Variants in TSNARE1 observed in about 807,000 individuals in gnomAD.
The protein encoded by TSNARE1 is t-SNARE domain containing 1, also known as t-SNARE domain-containing protein 1.
Under a neutral mutation model 62.0 loss-of-function variants are expected in TSNARE1, and 49 were observed. The ratio of observed to expected loss-of-function variants is 0.79; its 90% CI spans 0.63 to 1.00. The LOEUF (loss-of-function observed/expected upper bound fraction) is 1.00. Among genes scored for constraint, TSNARE1 ranks in the 50% least tolerant of loss-of-function variants. The pLI is 0.00. For missense variants in TSNARE1, 755 were observed against 700.1 expected, an observed-to-expected ratio of 1.08 and a Z score of -0.88; for synonymous variants, 328 against 294.4, an observed-to-expected ratio of 1.11 and a Z score of -1.17.
chr8:142,258,085 C>T (rs1302734018), intron 12 of TSNARE1, among the ~76,000 whole-genome samples: 1 of 152,190 alleles, frequency 6.6e-6, no homozygotes, highest in Non-Finnish European at 1.5e-5. Context: ...CTCATGCACA[C>T]ACGTACACAC....
chr8:142,302,766 A>C (rs1210894234), intron 9 of TSNARE1, among the ~76,000 whole-genome samples: 2 of 152,046 alleles, frequency 1.3e-5, no homozygotes, highest in African/African-American at 4.8e-5. Context: ...ATCTGGGTGC[A>C]ATGTGTGGAA....
At chr8:142,231,035 C>A (rs887341193) in intron 12 of TSNARE1, among the ~76,000 whole-genome samples, 1 of 152,020 alleles carries the variant, frequency 6.6e-6, no homozygotes. Flanking sequence ...ATCTACCCAC[C>A]TATCCATCCA....
At chr8:142,252,705 C>T (rs1818234188) in intron 12 of TSNARE1, among the ~76,000 whole-genome samples, 1 of 152,238 alleles carries the variant, frequency 6.6e-6, no homozygotes, top group Non-Finnish European at 1.5e-5. Context: ...ACTGCGAGGG[C>T]CGTTGTTTAC....
intron 12 of TSNARE1, 60 bp downstream of exon 12, chr8:142,274,721 T>G: frequency 1.4e-6 from 2 of 1,418,228 alleles, no homozygotes; most frequent in Non-Finnish European, 1.9e-6. Flanking sequence ...GGAGGGAGGG[T>G]TGGAGGATAG....
chr8:142,278,564 G>A, intron 11 of TSNARE1: 2 of 985,476 alleles, frequency 2.0e-6, no homozygotes, highest in African/African-American at 1.7e-5. Flanking sequence ...GAGGAGGAGA[G>A]GAGGTGCGGT....
intron 4 of TSNARE1, among the ~76,000 whole-genome samples, chr8:142,338,066 C>T (rs1832019236): frequency 6.6e-6 from 1 of 152,234 alleles, no homozygotes; most frequent in African/African-American, 2.4e-5. Flanking sequence ...TGAGCAACTT[C>T]ACTAACACTC....
intron 6 of TSNARE1, among the ~76,000 whole-genome samples, chr8:142,325,224 G>C (rs13278585): frequency 0.21 from 31,834 of 152,108 alleles, 3,635 homozygotes; most frequent in East Asian, 0.31. Flanking sequence ...ACTGGAGGGG[G>C]TGGTGTGGCC....
chr8:142,378,729 C>T (rs2131170960), intron 1 of TSNARE1, among the ~76,000 whole-genome samples: 1 of 152,362 alleles, frequency 6.6e-6, no homozygotes, highest in African/African-American at 2.4e-5. Flanking sequence ...AAGGAGACAA[C>T]CTCAGTAGCT....
intron 9 of TSNARE1, among the ~76,000 whole-genome samples, chr8:142,303,783 C>T (rs141495312): frequency 6.8e-4 from 103 of 152,330 alleles, no homozygotes; most frequent in Non-Finnish European, 1.2e-3. Context: ...CACAGTCTGC[C>T]GAGACGGCTG....
intron 11 of TSNARE1, chr8:142,277,255 C>T: frequency 1.0e-6 from 1 of 985,404 alleles, no homozygotes; most frequent in Non-Finnish European, 1.2e-6. Flanking sequence ...GATACCCAAG[C>T]ACTAGGCCAG....
At chr8:142,396,493 G>C (rs1287184985) in intron 1 of TSNARE1, among the ~76,000 whole-genome samples, 1 of 152,206 alleles carries the variant, frequency 6.6e-6, no homozygotes, top group Non-Finnish European at 1.5e-5. Context: ...ATCATCTCAA[G>C]ATGGAAGGGA....
At chr8:142,272,821 G>A (rs921865985) in intron 12 of TSNARE1, 3 of 983,528 alleles carry the variant, frequency 3.1e-6, no homozygotes, top group South Asian at 4.7e-5. Context: ...AGGGCCCCTC[G>A]CAGGCGGGAA....
chr8:142,380,842 G>A (rs566869693), intron 1 of TSNARE1, among the ~76,000 whole-genome samples: 12 of 152,210 alleles, frequency 7.9e-5, no homozygotes, highest in African/African-American at 2.4e-4. Flanking sequence ...TACAAGGAAC[G>A]AGTACTATCT....
chr8:142,391,450 T>C (rs531079589), intron 1 of TSNARE1, among the ~76,000 whole-genome samples: 1 of 152,312 alleles, frequency 6.6e-6, no homozygotes, highest in South Asian at 2.1e-4. Flanking sequence ...GACTTTAAAA[T>C]AGACACGGTC....
chr8:142,232,794 TGGCAGA>T (rs553418113), intron 12 of TSNARE1, among the ~76,000 whole-genome samples: 119 of 152,306 alleles, frequency 7.8e-4, no homozygotes, highest in Non-Finnish European at 1.4e-3. Flanking sequence ...CTGAGACAGT[TGGCAGA>T]GGCAGAGGCA....
intron 12 of TSNARE1, among the ~76,000 whole-genome samples, chr8:142,265,810 C>T (rs1819108217): frequency 6.6e-6 from 1 of 152,204 alleles, no homozygotes; most frequent in African/African-American, 2.4e-5. Context: ...GTGTATTTCC[C>T]TCATGGCTAC....
At chr8:142,242,629 C>T (rs987142842) in intron 12 of TSNARE1, among the ~76,000 whole-genome samples, 5 of 152,100 alleles carry the variant, frequency 3.3e-5, no homozygotes, top group African/African-American at 1.2e-4. Context: ...TTAAAATGGG[C>T]AGAGGACCTG....
At position 142,300,653 on chromosome 8, in the gene TSNARE1, G is replaced by C; in HGVS notation, c.1132-9C>G. On this transcript the variant is annotated splice_polypyrimidine_tract_variant and intron_variant, in intron 9 of 13. Transcript: ENST00000524325. Reference sequence around the variant, plus strand: ...AACGGGGCCTGGGGACTCTGCTGATGACAGACAGATCTTGTTAGCACTGAC... The same window carrying C: ...AACGGGGCCTGGGGACTCTGCTGATCACAGACAGATCTTGTTAGCACTGAC... 6.2e-7 allele frequency: 1 copy of C among 1,611,232 alleles called. No homozygotes were observed. The highest frequency in any genetic ancestry group is 2.2e-5 in the East Asian group (1 of 44,832).
At chr8:142,397,322 G>A (rs920483968) in intron 1 of TSNARE1, among the ~76,000 whole-genome samples, 3 of 152,180 alleles carry the variant, frequency 2.0e-5, no homozygotes, top group Non-Finnish European at 4.4e-5. Flanking sequence ...GCCCCTCTGT[G>A]CACCTTGGGA....
Sources: gnomAD v4.1 joint callset for allele counts (sites outside exome capture counted in the v4.1 genomes callset) on GRCh38, gnomAD v4.1.1 for gene constraint, MANE v1.5 for transcripts, NCBI Gene and HGNC (gene_info 2026-07-23, HGNC 2026-07-21) for gene names.